The following MGMT variants were observed in gnomAD, a reference collection of about 807,000 sequenced individuals.
The protein encoded by MGMT is methylated-DNA--protein-cysteine methyltransferase.
Under a neutral mutation model 15.9 loss-of-function variants are expected in MGMT, and 14 were observed. The observed-to-expected ratio is 0.88, with a 90% CI of 0.58 to 1.37. MGMT has a LOEUF of 1.37. Ranked by LOEUF, MGMT falls within the 40% of genes most tolerant of loss-of-function variation. The pLI is 0.00. For synonymous variants in MGMT, 130 were observed against 118.2 expected, an observed-to-expected ratio of 1.10 and a Z score of -0.65; for missense variants, 282 against 268.1, an observed-to-expected ratio of 1.05 and a Z score of -0.36.
intron 2 of MGMT, among the ~76,000 whole-genome samples, chr10:129,624,483 CT>C (rs1471522933): frequency 2.0e-4 from 30 of 152,156 alleles, no homozygotes; most frequent in African/African-American, 7.0e-4. Flanking sequence ...TGTATTCATA[CT>C]CGAAATAGGG....
chr10:129,642,728 G>A (rs1377991140), intron 2 of MGMT, among the ~76,000 whole-genome samples: 2 of 152,118 alleles, frequency 1.3e-5, no homozygotes, highest in African/African-American at 2.4e-5. Context: ...CATTCCACAG[G>A]TGTATGTTCC....
intron 2 of MGMT, among the ~76,000 whole-genome samples, chr10:129,665,272 C>CCT (rs914327893): frequency 8.4e-5 from 12 of 142,338 alleles, no homozygotes; most frequent in African/African-American, 3.1e-4. Context: ...ACCCACCCAT[C>CCT]CTCTCCCCTC....
intron 1 of MGMT, among the ~76,000 whole-genome samples, chr10:129,508,482 C>T (rs1343542546): frequency 6.6e-6 from 1 of 151,514 alleles, no homozygotes; most frequent in African/African-American, 2.4e-5. Flanking sequence ...TGGGTGCTGA[C>T]CTCTCTGGTA....
intron 2 of MGMT, among the ~76,000 whole-genome samples, chr10:129,685,212 A>G (rs1364927430): frequency 6.6e-6 from 1 of 152,250 alleles, no homozygotes; most frequent in Admixed American, 6.5e-5. Context: ...AATTGTGATG[A>G]TGGACAAGAA....
At chr10:129,478,242 C>A (rs1845317701) in intron 1 of MGMT, among the ~76,000 whole-genome samples, 1 of 152,134 alleles carries the variant, frequency 6.6e-6, no homozygotes, top group African/African-American at 2.4e-5. Flanking sequence ...GATTTTTTCC[C>A]CCCCTCCAGA....
intron 1 of MGMT, among the ~76,000 whole-genome samples, chr10:129,470,769 A>G (rs973986799): frequency 3.3e-5 from 5 of 152,206 alleles, no homozygotes; most frequent in African/African-American, 1.2e-4. Flanking sequence ...TTTTCAGTTA[A>G]ATCAGTGGCT....
At chr10:129,688,777 A>C (rs535483027) in intron 2 of MGMT, among the ~76,000 whole-genome samples, 13 of 152,294 alleles carry the variant, frequency 8.5e-5, no homozygotes, top group Admixed American at 3.3e-4. Context: ...CTAAAGAACA[A>C]CGTTTTTATT....
At chr10:129,634,469 G>A (rs888237669) in intron 2 of MGMT, among the ~76,000 whole-genome samples, 8 of 151,938 alleles carry the variant, frequency 5.3e-5, no homozygotes, top group Non-Finnish European at 7.4e-5. Context: ...AGATATGTAC[G>A]ATTTCCTGAA....
In MGMT at chr10:129,767,658, A is replaced by C. The variant is rs954064972; in HGVS notation, c.*661A>C. On this transcript the variant is annotated 3_prime_UTR_variant, in exon 5 of 5. Coordinates refer to ENST00000651593, the MANE Select transcript of MGMT (RefSeq NM_002412.5). ...AGCTCTCTGGACACGGGTTCGATGG[A>C]GCTTGCACCTCTCTGAGAGCTGAAG... 1.1e-4 allele frequency: 16 copies of C among 152,310 alleles called. No homozygotes were observed. Among genetic ancestry groups the C allele is most frequent in the African/African-American group, 3.9e-4 (16 of 41,458 alleles). The allele number at this position is 152,310 out of a possible 1,614,324, so 9.4% of individuals were successfully genotyped here. A position where few individuals can be genotyped will look rare whatever the true frequency, so the allele number is the denominator to read the frequency against.
chr10:129,486,177 CTTTTT>C (rs33985155), intron 1 of MGMT, among the ~76,000 whole-genome samples: 30 of 113,266 alleles, frequency 2.6e-4, no homozygotes, highest in African/African-American at 8.2e-4. Flanking sequence ...CTTCTCTTCT[CTTTTT>C]TTTTTTTTTT....
chr10:129,478,239 T>C (rs75206610), intron 1 of MGMT, among the ~76,000 whole-genome samples: 52 of 121,368 alleles, frequency 4.3e-4, no homozygotes, highest in African/African-American at 1.5e-3. Flanking sequence ...GTTGATTTTT[T>C]CCCCCCCTCC....
intron 2 of MGMT, among the ~76,000 whole-genome samples, chr10:129,565,313 A>C (rs1589869830): frequency 6.6e-6 from 1 of 152,098 alleles, no homozygotes; most frequent in East Asian, 1.9e-4. Flanking sequence ...AAAATAGTGA[A>C]AGACACAGTC....
intron 1 of MGMT, among the ~76,000 whole-genome samples, chr10:129,529,501 C>G (rs987772751): frequency 6.6e-6 from 1 of 152,152 alleles, no homozygotes; most frequent in Non-Finnish European, 1.5e-5. Flanking sequence ...CTGGCTCACC[C>G]GCTGCTTACC....
chr10:129,699,949 GT>G (rs200462140), intron 2 of MGMT, among the ~76,000 whole-genome samples: 33 of 150,204 alleles, frequency 2.2e-4, no homozygotes, highest in African/African-American at 4.5e-4. Context: ...GTACCAGAAA[GT>G]TTTAAAAAAA....
At chr10:129,467,330 T>G in intron 1 of MGMT, 34 bp downstream of exon 1, 1 of 1,520,966 alleles carries the variant, frequency 6.6e-7, no homozygotes, top group Non-Finnish European at 8.8e-7. Context: ...CCCGGAAGAG[T>G]GCGGAGCTCT....
At chr10:129,600,093 G>A (rs1157474753) in intron 2 of MGMT, among the ~76,000 whole-genome samples, 3 of 152,210 alleles carry the variant, frequency 2.0e-5, no homozygotes, top group Non-Finnish European at 4.4e-5. Context: ...ACCTAAGTCT[G>A]TGTGGTGCAG....
chr10:129,680,316 TG>T (rs969057395), intron 2 of MGMT, among the ~76,000 whole-genome samples: 6 of 152,182 alleles, frequency 3.9e-5, no homozygotes, highest in African/African-American at 1.4e-4. Flanking sequence ...TTCGCGGGCA[TG>T]ATTTTGGGGA....
intron 1 of MGMT, among the ~76,000 whole-genome samples, chr10:129,511,624 A>G (rs969076060): frequency 6.6e-6 from 1 of 152,220 alleles, no homozygotes; most frequent in African/African-American, 2.4e-5. Flanking sequence ...TGTTTAACAC[A>G]GCCATATTCA....
At chr10:129,720,581 G>A (rs1365392078) in intron 3 of MGMT, among the ~76,000 whole-genome samples, 1 of 152,210 alleles carries the variant, frequency 6.6e-6, no homozygotes, top group African/African-American at 2.4e-5. Context: ...GCAAGTAAGG[G>A]GAATGGAGGG....
Sources: allele counts gnomAD v4.1 joint callset (sites outside exome capture counted in the v4.1 genomes callset), GRCh38; gene constraint gnomAD v4.1.1; transcripts MANE v1.5; gene names NCBI Gene and HGNC (gene_info 2026-07-23, HGNC 2026-07-21).